CDK4: variants seen among roughly 807,000 people sequenced by gnomAD.
The protein encoded by CDK4 is cyclin-dependent kinase 4.
In CDK4, 13 loss-of-function variants were observed where a neutral mutation model predicts 36.7. The ratio of observed to expected loss-of-function variants is 0.35; its 90% CI spans 0.23 to 0.56. CDK4 has a LOEUF of 0.56. Ranked by LOEUF, CDK4 falls within the 20% of genes least tolerant of loss-of-function variation. CDK4 has a pLI of 0.85. For missense variants in CDK4, 285 were observed against 387.3 expected, an observed-to-expected ratio of 0.74 and a Z score of 2.22; for synonymous variants, 158 against 146.4, an observed-to-expected ratio of 1.08 and a Z score of -0.57.
intron 7 of CDK4, 81 bp from the exon 8 acceptor site, chr12:57,748,698 CTTCTT>C: frequency 1.1e-6 from 1 of 869,802 alleles, no homozygotes; most frequent in Non-Finnish European, 1.9e-6. Context: ...GATGAGCTTT[CTTCTT>C]TTTTCTTTTT....
intron 5 of CDK4, chr12:57,750,420 A>AGCATGTTAACAAACATGCTAGTTT (rs1955222374): frequency 4.0e-6 from 2 of 494,642 alleles, no homozygotes; most frequent in African/African-American, 3.9e-5. Context: ...TTAACAAACT[A>AGCATGTTAACAAACATGCTAGTTT]GCCAAGCATG....
At position 57,751,188 on chromosome 12, in the gene CDK4, GC is replaced by G; in HGVS notation, c.354+18del. 1 of 1,614,114 alleles carries G rather than the reference GC, an allele frequency of 6.2e-7. No individual in the cohort carries two copies. Among genetic ancestry groups the G allele is most frequent in the Non-Finnish European group, 8.5e-7 (1 of 1,180,028 alleles). Reference sequence around the variant, plus strand: ...CAAAGGTCCCAATCCACCTCTCAATGCCTACCAACCCCACTCACCTTGATCG... The same window carrying G: ...CAAAGGTCCCAATCCACCTCTCAATGCTACCAACCCCACTCACCTTGATCG... On this transcript the variant is annotated intron_variant, in intron 3 of 7. Coordinates refer to ENST00000257904, the MANE Select transcript of CDK4 (RefSeq NM_000075.4). The surrounding 1 kb of genome is among the most constrained non-coding windows in gnomAD (Gnocchi z 4.5).
rs1955240257 is a variant in CDK4 at position 57,751,724 on chromosome 12, A to T, written c.-7T>A. On this transcript the variant is annotated 5_prime_UTR_variant, in exon 2 of 8. Transcript: ENST00000257904. This position sits in a 1 kb window ranked among gnomAD's most constrained non-coding sequence, Gnocchi z 4.5. ...CATATCGAGAGGTAGCCATTCTCAGATCAAGGGAGACCCTACAATCACAGA... is the reference window on the plus strand; with the variant it reads ...CATATCGAGAGGTAGCCATTCTCAGTTCAAGGGAGACCCTACAATCACAGA... The T allele has an allele frequency of 6.2e-7, 1 of 1,613,676 alleles. No individual in the cohort carries two copies. Among genetic ancestry groups the T allele is most frequent in the Non-Finnish European group, 8.5e-7 (1 of 1,179,686 alleles).
chr12:57,749,094 T>C lies in CDK4; in HGVS notation c.819+88A>G. ...AGCCCATCTACCAACCAAGTTTCAT[T>C]AACCACAGTGGCCAGGGCCCTGCAT... On this transcript the variant is annotated intron_variant, in intron 7 of 7. Transcript: ENST00000257904. The C allele has an allele frequency of 2.0e-6, 3 of 1,534,414 alleles. No homozygotes were observed. In the South Asian group the frequency reaches 3.4e-5, roughly 17 times the overall value.
Position 57,751,802 on chromosome 12 carries a change from A to G in CDK4, c.-19-66T>C. 1 of 1,169,144 alleles carries G rather than the reference A, an allele frequency of 8.6e-7. No homozygotes were observed. Among genetic ancestry groups the G allele is most frequent in the Non-Finnish European group, 1.3e-6 (1 of 798,794 alleles). 72.4% of individuals were successfully genotyped at this position (1,169,144 alleles called of 1,614,324 possible). ...GTTAGGATGGTATGAGCCTGCAGCA[A>G]CAAAGGGACTCCCAAAAAAAAAGCG... is the stretch of plus-strand genomic sequence containing the variant. On this transcript the variant is annotated intron_variant, in intron 1 of 7. Coordinates refer to ENST00000257904, the MANE Select transcript of CDK4 (RefSeq NM_000075.4). This position sits in a 1 kb window ranked among gnomAD's most constrained non-coding sequence, Gnocchi z 4.5.
In CDK4 at chr12:57,747,735, A is replaced by C. The variant is rs1240017737; in HGVS notation, c.*790T>G. ...CGAATATAAAAGTAAAAGCCATTTA[A>C]AAATCTATATTCTTTTTTTTTTTTT... is the stretch of plus-strand genomic sequence containing the variant. On this transcript the variant is annotated 3_prime_UTR_variant, in exon 8 of 8. Transcript: ENST00000257904. 1 of 161,426 alleles carries C rather than the reference A, an allele frequency of 6.2e-6. No individual in the cohort carries two copies. Among genetic ancestry groups the C allele is most frequent in the African/African-American group, 2.4e-5 (1 of 41,674 alleles). The allele number at this position is 161,426 out of a possible 1,614,324, so 10.0% of individuals were successfully genotyped here. A position where few individuals can be genotyped will look rare whatever the true frequency, so the allele number is the denominator to read the frequency against.
At chr12:57,749,858 A>G (rs1464021962) in intron 5 of CDK4, 4 of 345,604 alleles carry the variant, frequency 1.2e-5, no homozygotes, top group African/African-American at 4.3e-5. Context: ...TTAGCTGAGC[A>G]TGGTGGCGTG....
intron 1 of CDK4, 160 bp downstream of exon 1, chr12:57,752,015 C>A: frequency 2.1e-6 from 1 of 479,108 alleles, no homozygotes; most frequent in Non-Finnish European, 3.8e-6. Flanking sequence ...CATCGAAGAT[C>A]CTACACCTCA....
rs144422354 is a variant in CDK4 at position 57,750,721 on chromosome 12, G to A, written c.567C>T (p.Ser189=). 1 of 1,614,102 alleles carries A rather than the reference G, an allele frequency of 6.2e-7. No homozygotes were observed. Among genetic ancestry groups the A allele is most frequent in the African/African-American group, 1.3e-5 (1 of 75,064 alleles). ...WYRAPEVLLQ[S]TYATPVDMWS... The stretch of plus-strand genomic sequence containing the variant: ...ACATGTCCACAGGTGTTGCATATGT[G>A]GACTGCAGAAGAACTTCGGGAGCTC... Residue 189 remains serine (S), a synonymous_variant, in exon 5 of 8, where the codon TCC becomes TCT. Coordinates refer to ENST00000257904, the MANE Select transcript of CDK4 (RefSeq NM_000075.4).
rs2140380945 is a variant in CDK4, at chr12:57,748,528, C to T, written c.909G>A (p.Glu303=). The part of the protein sequence containing the change: ...SYLHKDEGNP[E] ...TCCATGGCAGCCACTCCATTGCTCA[C>T]TCCGGATTACCTTCATCCTTATGTA... The change falls in exon 8 of 8, where the codon GAG becomes GAA. Residue 303 remains glutamate (E), a synonymous_variant. Coordinates refer to ENST00000257904, the MANE Select transcript of CDK4 (RefSeq NM_000075.4). The T allele has an allele frequency of 6.2e-7, 1 of 1,610,534 alleles. No homozygotes were observed. The highest frequency in any genetic ancestry group is 8.5e-7 in the Non-Finnish European group (1 of 1,176,826).
chr12:57,751,863 A>C lies in CDK4; in HGVS notation c.-19-127T>G. Reference sequence around the variant, plus strand: ...CACCAGCATCCCATCCCCCGCTCCCAGTCTTCCTTGGGGCCGGCCCCAGAG... The same window carrying C: ...CACCAGCATCCCATCCCCCGCTCCCCGTCTTCCTTGGGGCCGGCCCCAGAG... On this transcript the variant is annotated intron_variant, in intron 1 of 7. Transcript: ENST00000257904. The surrounding 1 kb of genome is among the most constrained non-coding windows in gnomAD (Gnocchi z 4.5). 1.4e-6 allele frequency: 1 copy of C among 712,394 alleles called. No homozygotes were observed. The highest frequency in any genetic ancestry group is 2.7e-5 in the East Asian group (1 of 37,294). 44.1% of individuals were successfully genotyped at this position (712,394 alleles called of 1,614,324 possible).
intron 5 of CDK4, 88 bp downstream of exon 5, chr12:57,750,568 A>G: frequency 1.0e-6 from 1 of 964,830 alleles, no homozygotes; most frequent in Non-Finnish European, 1.7e-6. Context: ...CCTGGTCTCA[A>G]AAAAAAAGAA....
Position 57,748,268 on chromosome 12 carries a change from T to G in CDK4, c.*257A>C. ...ATTTCTTTGTTTTGTTTTTCCTGTA[T>G]AAAAAAGGACCCCAAATATAAAGGT... On this transcript the variant is annotated 3_prime_UTR_variant, in exon 8 of 8. Coordinates refer to ENST00000257904, the MANE Select transcript of CDK4 (RefSeq NM_000075.4). 2.6e-6 allele frequency: 1 copy of G among 388,056 alleles called. No individual in the cohort carries two copies. 24.0% of individuals were successfully genotyped at this position (388,056 alleles called of 1,614,324 possible).
intron 1 of CDK4, 45 bp downstream of exon 1, chr12:57,752,130 G>C (rs1053153685): frequency 9.1e-6 from 3 of 330,698 alleles, no homozygotes; most frequent in South Asian, 5.1e-5. Context: ...AAGCTGTGAG[G>C]GGGGCGGGCA....
chr12:57,748,701 CTTTT>C (rs749693650), intron 7 of CDK4, 84 bp from the exon 8 acceptor site: 2 of 827,022 alleles, frequency 2.4e-6, no homozygotes, highest in Non-Finnish European at 4.0e-6. Flanking sequence ...GAGCTTTCTT[CTTTT>C]TTCTTTTTTT....
rs786202902 is a variant in CDK4 at position 57,749,196 on chromosome 12, C to T, written c.805G>A (p.Ala269Thr). The T allele has an allele frequency of 6.2e-7, 1 of 1,614,024 alleles. No individual in the cohort carries two copies. The highest frequency in any genetic ancestry group is 8.5e-7 in the Non-Finnish European group (1 of 1,179,870). The change falls in exon 7 of 8, where the codon GCA becomes ACA. Residue 269 changes from alanine (A) to threonine (T), a missense_variant. Physicochemically the swap from Ala to Thr is moderately conservative, Grantham distance 58 (BLOSUM62 0). Coordinates refer to ENST00000257904, the MANE Select transcript of CDK4 (RefSeq NM_000075.4). ...SVVPEMEESG[A>T]QLLLEMLTFN... ...ATCTCCAGTACCAGCAGCAGCTGTG[C>T]TCCCGACTCCTCCATCTCAGGTACC...
rs886049708 is a variant in CDK4, at chr12:57,747,835, C to T, written c.*690G>A. On this transcript the variant is annotated 3_prime_UTR_variant, in exon 8 of 8. Transcript: ENST00000257904. The stretch of plus-strand genomic sequence containing the variant: ...TCGGCTCACCGCAACCTCTGCCTCC[C>T]GGGTTCAAGCGATCCTCCTGCCTCA... The T allele has an allele frequency of 1.2e-4, 20 of 170,844 alleles. No homozygotes were observed. The highest frequency in any genetic ancestry group is 2.3e-4 in the East Asian group (2 of 8,590). 10.6% of individuals were successfully genotyped at this position (170,844 alleles called of 1,614,324 possible).
chr12:57,749,083 C>A (rs2140382166), intron 7 of CDK4, 99 bp downstream of exon 7: 2 of 1,469,304 alleles, frequency 1.4e-6, no homozygotes, highest in Non-Finnish European at 1.9e-6. Context: ...CATCTACCAA[C>A]CAAGTTTCAT....
chr12:57,751,888 G>C lies in CDK4; in HGVS notation c.-19-152C>G. The C allele has an allele frequency of 1.5e-6, 1 of 664,596 alleles. No homozygotes were observed. The highest frequency in any genetic ancestry group is 2.7e-5 in the East Asian group (1 of 37,062). The allele number at this position is 664,596 out of a possible 1,614,324, so 41.2% of individuals were successfully genotyped here. A position where few individuals can be genotyped will look rare whatever the true frequency, so the allele number is the denominator to read the frequency against. On this transcript the variant is annotated intron_variant, in intron 1 of 7. Coordinates refer to ENST00000257904, the MANE Select transcript of CDK4 (RefSeq NM_000075.4). The surrounding 1 kb of genome is among the most constrained non-coding windows in gnomAD (Gnocchi z 4.5). ...AGTCTTCCTTGGGGCCGGCCCCAGAGATAACACAATGACTCAATACCAACC... is the reference window on the plus strand; with the variant it reads ...AGTCTTCCTTGGGGCCGGCCCCAGACATAACACAATGACTCAATACCAACC...
Sources: allele counts gnomAD v4.1 joint callset, GRCh38; gene constraint gnomAD v4.1.1; non-coding constraint Gnocchi (gnomAD v3.1); transcripts MANE v1.5; gene names NCBI Gene and HGNC (gene_info 2026-07-23, HGNC 2026-07-21).